The following RMST variants were observed in gnomAD, a reference collection of about 807,000 sequenced individuals.
RMST encodes long intergenic non-protein coding RNA 54.
At chr12:97,489,440 C>T (rs1418930281) in intron 5 of RMST, among the ~76,000 whole-genome samples, 1 of 150,494 alleles carries the variant, frequency 6.6e-6, no homozygotes, top group Non-Finnish European at 1.5e-5. Context: ...TAGAGAGTCC[C>T]TGTCTCAAGA....
At chr12:97,526,350 T>C (rs1172193615) in intron 10 of RMST, among the ~76,000 whole-genome samples, 1 of 152,174 alleles carries the variant, frequency 6.6e-6, no homozygotes, top group African/African-American at 2.4e-5. Context: ...CTCCTACTTA[T>C]ACTTTATTCA....
At chr12:97,522,091 C>T (rs11109093) in intron 10 of RMST, among the ~76,000 whole-genome samples, 9,304 of 152,284 alleles carry the variant, frequency 0.061, 485 homozygotes, top group East Asian at 0.17. Flanking sequence ...TCGATCAACA[C>T]ACACCATTTT....
At chr12:97,536,549 C>T (rs1882093063) in intron 11 of RMST, among the ~76,000 whole-genome samples, 1 of 151,332 alleles carries the variant, frequency 6.6e-6, no homozygotes, top group Non-Finnish European at 1.5e-5. Flanking sequence ...TCTGCAGGGC[C>T]TAGAAGAGAT....
intron 11 of RMST, among the ~76,000 whole-genome samples, chr12:97,540,575 A>T (rs569528346): frequency 6.6e-6 from 1 of 151,770 alleles, no homozygotes; most frequent in African/African-American, 2.4e-5. Context: ...GGCAGACCTA[A>T]ATTCAAATTT....
At chr12:97,469,188 GTATA>G in intron 5 of RMST, among the ~76,000 whole-genome samples, 1 of 146,492 alleles carries the variant, frequency 6.8e-6, no homozygotes, top group Middle Eastern at 3.6e-3. Flanking sequence ...GTGTATGTGT[GTATA>G]TATATACACA....
intron 5 of RMST, among the ~76,000 whole-genome samples, chr12:97,466,396 A>C (rs575157594): frequency 6.6e-6 from 1 of 152,264 alleles, no homozygotes; most frequent in East Asian, 1.9e-4. Flanking sequence ...CTTGAAGGTA[A>C]TATTTTATAT....
At chr12:97,479,157 T>TTTA (rs71078487) in intron 5 of RMST, among the ~76,000 whole-genome samples, 1 of 138,186 alleles carries the variant, frequency 7.2e-6, no homozygotes, top group African/African-American at 2.7e-5. Flanking sequence ...TTTTTTTTTT[T>TTTA]GAGACAAGGT....
chr12:97,484,286 A>G (rs1875815527), intron 5 of RMST, among the ~76,000 whole-genome samples: 1 of 152,168 alleles, frequency 6.6e-6, no homozygotes, highest in African/African-American at 2.4e-5. Context: ...AGATTTATTT[A>G]TTTCAAGTAG....
At chr12:97,484,259 C>T (rs147699973) in intron 5 of RMST, among the ~76,000 whole-genome samples, 300 of 152,260 alleles carry the variant, frequency 2.0e-3, no homozygotes, top group Middle Eastern at 0.014. Flanking sequence ...TGCACATGCA[C>T]GCACACTCAC....
At chr12:97,509,638 C>T (rs1879074718) in intron 10 of RMST, among the ~76,000 whole-genome samples, 1 of 152,150 alleles carries the variant, frequency 6.6e-6, no homozygotes, top group African/African-American at 2.4e-5. Flanking sequence ...CCTCCCCTCT[C>T]ATACTGAATA....
intron 10 of RMST, among the ~76,000 whole-genome samples, chr12:97,527,243 G>A (rs1881204156): frequency 6.6e-6 from 1 of 152,192 alleles, no homozygotes; most frequent in South Asian, 2.1e-4. Flanking sequence ...GCAGAGAGGA[G>A]CCGTGTGGAT....
intron 10 of RMST, among the ~76,000 whole-genome samples, chr12:97,504,264 C>T (rs1878417894): frequency 6.6e-6 from 1 of 151,948 alleles, no homozygotes; most frequent in African/African-American, 2.4e-5. Context: ...ATTAGCCAGG[C>T]CTGGTAGCAC....
chr12:97,528,405 T>C (rs1223464434), intron 10 of RMST, among the ~76,000 whole-genome samples: 1 of 152,116 alleles, frequency 6.6e-6, no homozygotes, highest in Non-Finnish European at 1.5e-5. Context: ...CCATTCTTTC[T>C]TATAGATACT....
chr12:97,562,630 G>C (rs1250972610), intron 13 of RMST, among the ~76,000 whole-genome samples: 1 of 152,172 alleles, frequency 6.6e-6, no homozygotes, highest in Admixed American at 6.5e-5. Context: ...CATTAATCTG[G>C]ACCCAATTAG....
chr12:97,534,010 C>T (rs1881883659), intron 11 of RMST, among the ~76,000 whole-genome samples: 2 of 151,806 alleles, frequency 1.3e-5, no homozygotes, highest in Non-Finnish European at 2.9e-5. Flanking sequence ...GGCAAAGTCA[C>T]TCTGGCATCC....
intron 10 of RMST, among the ~76,000 whole-genome samples, chr12:97,499,032 C>T (rs1286324812): frequency 6.6e-6 from 1 of 152,094 alleles, no homozygotes; most frequent in Non-Finnish European, 1.5e-5. Flanking sequence ...TGAAGGTGCC[C>T]GCTGGGGCTG....
chr12:97,524,854 G>A (rs1565931505), intron 10 of RMST, among the ~76,000 whole-genome samples: 2 of 152,204 alleles, frequency 1.3e-5, no homozygotes, highest in Non-Finnish European at 2.9e-5. Context: ...TATTTGTAAT[G>A]AGCAATGTGT....
At chr12:97,495,715 T>C (rs115052382) in intron 9 of RMST, among the ~76,000 whole-genome samples, 1 of 152,272 alleles carries the variant, frequency 6.6e-6, no homozygotes, top group African/African-American at 2.4e-5. Flanking sequence ...TACTAGATAA[T>C]TCGTGATTTG....
At chr12:97,464,370 G>T (rs1181522551) in intron 4 of RMST, among the ~76,000 whole-genome samples, 2 of 152,058 alleles carry the variant, frequency 1.3e-5, no homozygotes, top group Non-Finnish European at 2.9e-5. Flanking sequence ...TGCAGTAATC[G>T]GGGCTAAAGA....
Sources: gnomAD v4.1 joint callset for allele counts (sites outside exome capture counted in the v4.1 genomes callset) on GRCh38, gnomAD v4.1.1 for gene constraint, MANE v1.5 for transcripts, NCBI Gene and HGNC (gene_info 2026-07-23, HGNC 2026-07-21) for gene names.